ARAP1: variants seen among roughly 807,000 people sequenced by gnomAD.
ARAP1 encodes the protein arf-GAP with Rho-GAP domain, ANK repeat and PH domain-containing protein 1.
ARAP1 carries 76 observed loss-of-function variants against 172.2 expected under a neutral mutation model. That is an observed-to-expected ratio of 0.44 (90% CI 0.37 to 0.53). The LOEUF is 0.53. Among genes scored for constraint, ARAP1 ranks in the 20% least tolerant of loss-of-function variants. ARAP1 has a pLI of 0.00. For synonymous variants in ARAP1, 804 were observed against 803.3 expected (o/e 1.00, Z -0.01); for missense variants, 1,686 against 1,977.5 (o/e 0.85, Z 2.80).
chr11:72,695,590 G>A lies in ARAP1; in HGVS notation c.3459C>T (p.Ile1153=), dbSNP rs1372723780. ...EEELRKQREE[I]TAIVKMRVAG... is the part of the protein sequence containing the mutation. ...CCACGCGCATCTTCACAATGGCAGT[G>A]ATCTCCTCCCGCTGCTTCCTGAGCT... The change falls in exon 25 of 35, where the codon ATC becomes ATT. Residue 1153 remains isoleucine, a synonymous_variant. Coordinates refer to ENST00000393609, the MANE Select transcript of ARAP1 (RefSeq NM_001040118.3). The surrounding 1 kb of genome is among the most constrained non-coding windows in gnomAD (Gnocchi z 4.4). The A allele has an allele frequency of 6.2e-7, 1 of 1,614,012 alleles. No individual in the cohort carries two copies. Among genetic ancestry groups the A allele is most frequent in the African/African-American group, 1.3e-5 (1 of 74,954 alleles).
intron 18 of ARAP1, 149 bp from the exon 19 acceptor site, chr11:72,698,255 A>G: frequency 2.0e-6 from 2 of 988,842 alleles, no homozygotes; most frequent in East Asian, 5.4e-5. Flanking sequence ...CAGTGATGGA[A>G]CTTGGGTACC....
At chr11:72,696,399 G>T in intron 23 of ARAP1, 150 bp downstream of exon 23, 1 of 571,326 alleles carries the variant, frequency 1.8e-6, no homozygotes, top group Non-Finnish European at 2.9e-6. Context: ...GGGGAACCCT[G>T]CTCTACAAAT....
Position 72,695,677 on chromosome 11 carries a change from G to A in ARAP1, c.3420+41C>T. 6.2e-7 allele frequency: 1 copy of A among 1,614,040 alleles called. No homozygotes were observed. Among genetic ancestry groups the A allele is most frequent in the Non-Finnish European group, 8.5e-7 (1 of 1,179,966 alleles). ...ACAGGTGGTCACCGTCATCTGCAAG[G>A]ATCACCCCTGCCCTCCACTGCCCAC... On this transcript the variant is annotated intron_variant, in intron 24 of 34. Coordinates refer to ENST00000393609, the MANE Select transcript of ARAP1 (RefSeq NM_001040118.3). This position sits in a 1 kb window ranked among gnomAD's most constrained non-coding sequence, Gnocchi z 4.4.
intron 32 of ARAP1, 69 bp downstream of exon 32, chr11:72,687,619 G>A (rs1855746915): frequency 2.5e-6 from 4 of 1,612,828 alleles, no homozygotes; most frequent in Non-Finnish European, 3.4e-6. Context: ...AGTGATGAGG[G>A]ACACAATGAA....
chr11:72,743,496 G>A (rs1244678794), intron 1 of ARAP1, among the ~76,000 whole-genome samples: 1 of 152,184 alleles, frequency 6.6e-6, no homozygotes, highest in Admixed American at 6.5e-5. Flanking sequence ...GGACTGGGAG[G>A]CCTTTGGTCA....
intron 4 of ARAP1, 66 bp downstream of exon 4, chr11:72,714,086 A>G: frequency 1.5e-6 from 2 of 1,378,056 alleles, no homozygotes; most frequent in Non-Finnish European, 9.4e-7. Flanking sequence ...CATACCTTCC[A>G]GAGGCCTGAT....
At chr11:72,724,612 TGTGA>T (rs1481164318) in intron 3 of ARAP1, among the ~76,000 whole-genome samples, 1 of 152,112 alleles carries the variant, frequency 6.6e-6, no homozygotes, top group African/African-American at 2.4e-5. Flanking sequence ...CTCCATCTGC[TGTGA>T]GTTTTTCCTA....
At chr11:72,689,062 C>A (rs995622689) in intron 30 of ARAP1, among the ~76,000 whole-genome samples, 1 of 152,178 alleles carries the variant, frequency 6.6e-6, no homozygotes, top group East Asian at 1.9e-4. Flanking sequence ...CTTGAGGGAC[C>A]AGCAGTTACT....
intron 14 of ARAP1, chr11:72,703,922 G>A: frequency 3.5e-6 from 2 of 567,738 alleles, no homozygotes; most frequent in South Asian, 2.1e-5. Flanking sequence ...GAGACAGACA[G>A]ATGCTGGGGA....
At position 72,693,629 on chromosome 11, in the gene ARAP1, T is replaced by A; in HGVS notation, c.3808+63A>T. 2 of 1,537,886 alleles carry A rather than the reference T, an allele frequency of 1.3e-6. No homozygotes were observed. Among genetic ancestry groups the A allele is most frequent in the Non-Finnish European group, 1.8e-6 (2 of 1,136,194 alleles). ...GCTGTTCCTACCTGGCACCACCAGG[T>A]CCCACCCTGGCTCTGGAAGAGAGGA... is the stretch of plus-strand genomic sequence containing the variant. On this transcript the variant is annotated intron_variant, in intron 28 of 34. Coordinates refer to ENST00000393609, the MANE Select transcript of ARAP1 (RefSeq NM_001040118.3). The surrounding 1 kb of genome is among the most constrained non-coding windows in gnomAD (Gnocchi z 4.6).
intron 1 of ARAP1, among the ~76,000 whole-genome samples, chr11:72,751,863 G>A (rs1014645008): frequency 1.3e-5 from 2 of 152,198 alleles, no homozygotes; most frequent in African/African-American, 4.8e-5. Context: ...GGGCCAGGTA[G>A]GGGCTCTGGG....
chr11:72,718,711 C>T (rs1857389554), intron 3 of ARAP1, among the ~76,000 whole-genome samples: 1 of 152,082 alleles, frequency 6.6e-6, no homozygotes, highest in Non-Finnish European at 1.5e-5. Context: ...CAGCCTGGGC[C>T]CTCAGCCTAA....
Position 72,709,906 on chromosome 11 carries a change from C to A in ARAP1, c.1487G>T (p.Arg496Leu). 1 of 1,614,144 alleles carries A rather than the reference C, an allele frequency of 6.2e-7. No individual in the cohort carries two copies. Among genetic ancestry groups the A allele is most frequent in the South Asian group, 1.1e-5 (1 of 91,088 alleles). ...GTAGGGCGTGGTGAGGTCGAAGCTG[C>A]GCCGGTCCACTTCCTTCACGTTGCC... Reference protein sequence around the residue: ...SVGNVKEVDRRSFDLTTPYRI... With the variant: ...SVGNVKEVDRLSFDLTTPYRI... Residue 496 changes from arginine to leucine, a missense_variant, in exon 11 of 35, where the codon CGC (arginine) becomes CTC (leucine). By Grantham distance (102) the Arg-to-Leu change is moderately radical. Coordinates refer to ENST00000393609, the MANE Select transcript of ARAP1 (RefSeq NM_001040118.3).
At chr11:72,717,032 G>A (rs1226841590) in intron 3 of ARAP1, among the ~76,000 whole-genome samples, 2 of 152,124 alleles carry the variant, frequency 1.3e-5, no homozygotes, top group Admixed American at 6.5e-5. Context: ...TGGTACCCCC[G>A]CAGCCCAGTC....
rs766169894 is a variant in ARAP1 at position 72,692,764 on chromosome 11, C to A, written c.3976G>T (p.Ala1326Ser). Residue 1326 changes from alanine to serine, a missense_variant, in exon 30 of 35, where the codon GCC becomes TCC. Ala to Ser is a moderately conservative substitution (Grantham distance 99). This residue lies in a region of ARAP1 where 379 missense variants were observed against 500.1 expected (regional missense o/e 0.76). Coordinates refer to ENST00000393609, the MANE Select transcript of ARAP1 (RefSeq NM_001040118.3). ...EVRSQRPWSG[A>S]PETSHRPEKE... Reference sequence around the variant, plus strand: ...CCACAGCTACTCACGGTCTCAGGGGCCCCGCTCCACGGCCTCTGGCTCTGT... The same window carrying A: ...CCACAGCTACTCACGGTCTCAGGGGACCCGCTCCACGGCCTCTGGCTCTGT... 17 of 1,613,702 alleles carry A rather than the reference C, an allele frequency of 1.1e-5. No homozygotes were observed. Among genetic ancestry groups the A allele is most frequent in the Non-Finnish European group, 1.4e-5 (17 of 1,179,996 alleles).
intron 2 of ARAP1, among the ~76,000 whole-genome samples, chr11:72,729,052 A>C (rs1409613249): frequency 6.6e-6 from 1 of 152,240 alleles, no homozygotes; most frequent in East Asian, 1.9e-4. Context: ...ACAATGATTA[A>C]AACAGTATAT....
At chr11:72,717,689 T>C (rs1197979718) in intron 3 of ARAP1, among the ~76,000 whole-genome samples, 1 of 152,230 alleles carries the variant, frequency 6.6e-6, no homozygotes, top group Non-Finnish European at 1.5e-5. Context: ...TGTGTATGCG[T>C]GTCTACATGT....
chr11:72,696,872 T>C (rs1856219633), intron 22 of ARAP1, 111 bp downstream of exon 22: 6 of 1,201,078 alleles, frequency 5.0e-6, no homozygotes, highest in Non-Finnish European at 6.9e-6. Context: ...GGCAGGCAAC[T>C]GGAGCCTGTG....
chr11:72,742,067 G>T (rs761405803), intron 1 of ARAP1, among the ~76,000 whole-genome samples: 1 of 152,288 alleles, frequency 6.6e-6, no homozygotes, highest in African/African-American at 2.4e-5. Flanking sequence ...GACCACATGG[G>T]TGGGGCCGGG....
Sources: allele counts gnomAD v4.1 joint callset (sites outside exome capture counted in the v4.1 genomes callset), GRCh38; gene constraint gnomAD v4.1.1; regional missense constraint gnomAD v4.1.1; non-coding constraint Gnocchi (gnomAD v3.1); transcripts MANE v1.5; gene names NCBI Gene and HGNC (gene_info 2026-07-23, HGNC 2026-07-21).